Variants in PAQR3 observed in about 807,000 individuals in gnomAD.
PAQR3 encodes Raf kinase trapping to Golgi.
PAQR3 carries 39 observed loss-of-function variants against 41.7 expected under a neutral mutation model. The ratio of observed to expected loss-of-function variants is 0.93; its 90% CI spans 0.72 to 1.22. The LOEUF (loss-of-function observed/expected upper bound fraction) is 1.22, where lower values mean the gene tolerates loss of function less well. Ranked by LOEUF, PAQR3 falls within the 50% of genes most tolerant of loss-of-function variation. The pLI is 0.00. For missense variants in PAQR3, 366 were observed against 385.6 expected, an observed-to-expected ratio of 0.95 and a Z score of 0.42; for synonymous variants, 140 against 140.6, an observed-to-expected ratio of 1.00 and a Z score of 0.03.
intron 5 of PAQR3, chr4:78,922,327 T>C (rs1333872762): frequency 6.2e-6 from 8 of 1,287,388 alleles, no homozygotes; most frequent in Non-Finnish European, 8.1e-6. Flanking sequence ...ATCTGTGGGA[T>C]GGATTGTTTA....
intron 2 of PAQR3, among the ~76,000 whole-genome samples, chr4:78,932,432 G>A (rs7656083): frequency 0.77 from 116,677 of 151,992 alleles, 44,965 homozygotes; most frequent in Non-Finnish European, 0.81. Flanking sequence ...CACAAGGGCA[G>A]GTCGCAAAAT....
At chr4:78,902,528 A>T (rs922880761) in intron 11 of PAQR3, among the ~76,000 whole-genome samples, 2 of 151,892 alleles carry the variant, frequency 1.3e-5, no homozygotes, top group African/African-American at 4.9e-5. Context: ...TATGCTGCCA[A>T]TTCAAAGTGA....
At chr4:78,927,600 C>G (rs1204544977) in intron 3 of PAQR3, among the ~76,000 whole-genome samples, 1 of 152,190 alleles carries the variant, frequency 6.6e-6, no homozygotes, top group African/African-American at 2.4e-5. Context: ...CTGTTTTTGG[C>G]CTGAAAGGCC....
chr4:78,912,084 C>G lies in PAQR3; in HGVS notation c.*8455G>C, dbSNP rs1398500437. ...AACTCCTGTTTCAAAAAAGTGTGAACAGTTTTATGAATTTGAAAGAAAATT... is the reference window on the plus strand; with the variant it reads ...AACTCCTGTTTCAAAAAAGTGTGAAGAGTTTTATGAATTTGAAAGAAAATT... On this transcript the variant is annotated 3_prime_UTR_variant, in exon 6 of 6. Coordinates refer to ENST00000512733, the MANE Select transcript of PAQR3 (RefSeq NM_001040202.2). 9 of 1,494,216 alleles carry G rather than the reference C, an allele frequency of 6.0e-6. No homozygotes were observed. The highest frequency in any genetic ancestry group is 8.1e-6 in the Non-Finnish European group (9 of 1,105,480). 92.6% of individuals were successfully genotyped at this position (1,494,216 alleles called of 1,614,324 possible). A position where few individuals can be genotyped will look rare whatever the true frequency, so the allele number is the denominator to read the frequency against.
chr4:78,938,932 G>C (rs550973769), intron 1 of PAQR3, 108 bp downstream of exon 1: 2 of 1,102,270 alleles, frequency 1.8e-6, no homozygotes, highest in Non-Finnish European at 2.6e-6. Context: ...ATGGGGCGGC[G>C]AGGAAATGAT....
At chr4:78,908,057 C>G (rs142864808), downstream of PAQR3, among the ~76,000 whole-genome samples, 4 of 152,200 alleles carry the variant, frequency 2.6e-5, no homozygotes, top group African/African-American at 9.6e-5. Flanking sequence ...ATCATAAATA[C>G]GCTGTGTAGG....
At chr4:78,937,512 C>T (rs995949955) in intron 1 of PAQR3, among the ~76,000 whole-genome samples, 2 of 152,226 alleles carry the variant, frequency 1.3e-5, no homozygotes, top group Non-Finnish European at 2.9e-5. Context: ...TTATCATCAT[C>T]TGTTCAGCTT....
intron 11 of PAQR3, among the ~76,000 whole-genome samples, chr4:78,904,207 GA>G (rs1195315339): frequency 6.6e-6 from 1 of 151,888 alleles, no homozygotes; most frequent in African/African-American, 2.4e-5. Context: ...CAAAGTTTCT[GA>G]AAATGTGGTT....
At chr4:78,935,665 A>G (rs1007447561) in intron 1 of PAQR3, among the ~76,000 whole-genome samples, 1 of 152,234 alleles carries the variant, frequency 6.6e-6, no homozygotes, top group Non-Finnish European at 1.5e-5. Context: ...AAAGGTCTCC[A>G]GAAATGAACG....
downstream of PAQR3, chr4:78,911,575 C>G: frequency 6.2e-7 from 1 of 1,613,990 alleles, no homozygotes; most frequent in South Asian, 1.1e-5. Context: ...GACTTTGAAG[C>G]CTACCTATCG....
At chr4:78,909,149 TC>T (rs906298127), downstream of PAQR3, among the ~76,000 whole-genome samples, 5 of 150,054 alleles carry the variant, frequency 3.3e-5, no homozygotes, top group African/African-American at 7.4e-5. Context: ...ACCTCTGTCT[TC>T]CAGTTTCAAG....
rs1256345002 is a variant in PAQR3, at chr4:78,913,720, C to T, written c.*6819G>A. 1.3e-5 allele frequency: 2 copies of T among 152,120 alleles called. No homozygotes were observed. Among genetic ancestry groups the T allele is most frequent in the Non-Finnish European group, 2.9e-5 (2 of 67,980 alleles). 9.4% of individuals were successfully genotyped at this position (152,120 alleles called of 1,614,324 possible). ...AAGCAAAGTATATGTAACTAAACCA[C>T]ATATTTGTCTTTTTATTGCTTTTTC... On this transcript the variant is annotated 3_prime_UTR_variant, in exon 6 of 6. Coordinates refer to ENST00000512733, the MANE Select transcript of PAQR3 (RefSeq NM_001040202.2).
chr4:78,931,672 T>C (rs1346185001), intron 2 of PAQR3, among the ~76,000 whole-genome samples: 1 of 152,098 alleles, frequency 6.6e-6, no homozygotes, highest in Non-Finnish European at 1.5e-5. Flanking sequence ...TGGAGGTACA[T>C]GTGCATTTGG....
chr4:78,906,359 T>C (rs1217897885), intron 10 of PAQR3, among the ~76,000 whole-genome samples: 1 of 152,086 alleles, frequency 6.6e-6, no homozygotes, highest in Non-Finnish European at 1.5e-5. Context: ...TAGTTTTATG[T>C]AGGGGGGCAA....
At chr4:78,909,337 C>G (rs1174880711), downstream of PAQR3, among the ~76,000 whole-genome samples, 1 of 148,274 alleles carries the variant, frequency 6.7e-6, no homozygotes, top group Non-Finnish European at 1.5e-5. Context: ...CACCCAGCCC[C>G]CTTAGTGTTT....
rs1031495960 is a variant in PAQR3 at position 78,919,068 on chromosome 4, T to C, written c.*1471A>G. ...AGATACTATACTAGCATGGGGAATT[T>C]ATATTCCAAAAACACTACACTGGAA... On this transcript the variant is annotated 3_prime_UTR_variant, in exon 6 of 6. Coordinates refer to ENST00000512733, the MANE Select transcript of PAQR3 (RefSeq NM_001040202.2). 2.0e-6 allele frequency: 2 copies of C among 984,958 alleles called. No homozygotes were observed. The highest frequency in any genetic ancestry group is 3.5e-5 in the African/African-American group (2 of 57,180). The allele number at this position is 984,958 out of a possible 1,614,324, so 61.0% of individuals were successfully genotyped here.
intron 11 of PAQR3, among the ~76,000 whole-genome samples, chr4:78,898,321 CA>C (rs1481421435): frequency 6.6e-6 from 1 of 152,038 alleles, no homozygotes; most frequent in Non-Finnish European, 1.5e-5. Flanking sequence ...ATAACATTTA[CA>C]GATTGTCAGT....
At position 78,911,923 on chromosome 4, in the gene PAQR3, G is replaced by A. The variant is rs747718945; in HGVS notation, c.*8616C>T. Reference sequence around the variant, plus strand: ...ATTGAAAATGGATGATTTTGGTGCCGTGCCCTTTACAGAACTTGTGGTGCA... The same window carrying A: ...ATTGAAAATGGATGATTTTGGTGCCATGCCCTTTACAGAACTTGTGGTGCA... On this transcript the variant is annotated 3_prime_UTR_variant, in exon 6 of 6. Transcript: ENST00000512733. The A allele has an allele frequency of 1.7e-5, 27 of 1,613,966 alleles. No homozygotes were observed. Among genetic ancestry groups the A allele is most frequent in the South Asian group, 7.7e-5 (7 of 91,078 alleles).
chr4:78,919,745 A>G lies in PAQR3; in HGVS notation c.*794T>C, dbSNP rs1735472784. 19 of 984,912 alleles carry G rather than the reference A, an allele frequency of 1.9e-5. No homozygotes were observed. Among genetic ancestry groups the G allele is most frequent in the Non-Finnish European group, 2.2e-5 (18 of 829,528 alleles). 61.0% of individuals were successfully genotyped at this position (984,912 alleles called of 1,614,324 possible). A position where few individuals can be genotyped will look rare whatever the true frequency, so the allele number is the denominator to read the frequency against. ...GGGATCAAAAACCTGTAATCCACTC[A>G]CAAGAATTCAGTTATTATATGGAAT... On this transcript the variant is annotated 3_prime_UTR_variant, in exon 6 of 6. Coordinates refer to ENST00000512733, the MANE Select transcript of PAQR3 (RefSeq NM_001040202.2).
Sources: allele counts gnomAD v4.1 joint callset (sites outside exome capture counted in the v4.1 genomes callset), GRCh38; gene constraint gnomAD v4.1.1; transcripts MANE v1.5; gene names NCBI Gene and HGNC (gene_info 2026-07-23, HGNC 2026-07-21).